GALNT13: variants seen among roughly 807,000 people sequenced by gnomAD.
GALNT13 encodes the protein polypeptide N-acetylgalactosaminyltransferase 13.
A neutral mutation model predicts 64.2 loss-of-function variants in GALNT13; 28 were observed. That is an observed-to-expected ratio of 0.44 (90% CI 0.32 to 0.60). The LOEUF is 0.60. Among genes scored for constraint, GALNT13 ranks in the 20% least tolerant of loss-of-function variants. The probability of loss-of-function intolerance (pLI) is 0.05; values close to 1 mark genes in which losing one functional copy is unlikely to be tolerated. For missense variants in GALNT13, 577 were observed against 669.8 expected (o/e 0.86, Z 1.53); for synonymous variants, 214 against 224.6 (o/e 0.95, Z 0.42).
chr2:153,778,637 A>G, the GALNT13 span, among the ~76,000 whole-genome samples: 1 of 152,370 alleles, frequency 6.6e-6, no homozygotes, highest in East Asian at 1.9e-4. Flanking sequence ...GAAGACACTT[A>G]ATACAAAAAT....
intron 7 of GALNT13, among the ~76,000 whole-genome samples, chr2:154,252,709 A>G (rs1395027446): frequency 1.4e-5 from 2 of 147,466 alleles, no homozygotes; most frequent in Admixed American, 7.0e-5. Context: ...TATAAGGTAT[A>G]TGGACGAATG....
the GALNT13 span, among the ~76,000 whole-genome samples, chr2:153,811,286 TATAAC>T: frequency 1.2e-4 from 19 of 152,320 alleles, no homozygotes; most frequent in East Asian, 3.5e-3. Context: ...TAGGATGGAT[TATAAC>T]ATAAATTCAA....
the GALNT13 span, among the ~76,000 whole-genome samples, chr2:153,673,026 A>T: frequency 6.6e-6 from 1 of 152,306 alleles, no homozygotes; most frequent in Middle Eastern, 3.4e-3. Context: ...TGAATCTCTG[A>T]ATAGACCAAT....
At chr2:154,025,494 A>G (rs1445688924) in intron 3 of GALNT13, among the ~76,000 whole-genome samples, 2 of 152,084 alleles carry the variant, frequency 1.3e-5, no homozygotes, top group East Asian at 3.9e-4. Flanking sequence ...AACAGTATGT[A>G]CAGTTTTACA....
chr2:153,204,566 C>T, the GALNT13 span, among the ~76,000 whole-genome samples: 3 of 152,138 alleles, frequency 2.0e-5, no homozygotes, highest in Admixed American at 1.3e-4. Context: ...ACTAATAAAT[C>T]CCTTCAGAAA....
the GALNT13 span, among the ~76,000 whole-genome samples, chr2:153,226,237 A>G: frequency 3.3e-5 from 5 of 152,080 alleles, no homozygotes; most frequent in Non-Finnish European, 7.4e-5. Context: ...TGGCTCCAGC[A>G]AGCAATTTTA....
chr2:153,147,541 C>CTTT, the GALNT13 span, among the ~76,000 whole-genome samples: 134 of 132,112 alleles, frequency 1.0e-3, 1 homozygote, highest in African/African-American at 3.4e-3. Context: ...AAGCATTAGA[C>CTTT]TTTTTTTTTT....
intron 4 of GALNT13, among the ~76,000 whole-genome samples, chr2:154,203,244 TGTGA>T (rs1371331595): frequency 1.3e-5 from 2 of 152,142 alleles, no homozygotes; most frequent in African/African-American, 4.8e-5. Context: ...GGAGAATAAA[TGTGA>T]GTGTTTTGTA....
chr2:153,535,052 G>A, the GALNT13 span, among the ~76,000 whole-genome samples: 2 of 152,162 alleles, frequency 1.3e-5, no homozygotes, highest in East Asian at 1.9e-4. Context: ...GAGAATGGGC[G>A]ATGTTTCTCA....
chr2:153,840,957 C>T, the GALNT13 span, among the ~76,000 whole-genome samples: 2 of 149,760 alleles, frequency 1.3e-5, no homozygotes, highest in African/African-American at 5.0e-5. Context: ...ATGTAACCTT[C>T]GAATATTACT....
intron 3 of GALNT13, among the ~76,000 whole-genome samples, chr2:154,061,206 T>C (rs1700163680): frequency 6.6e-6 from 1 of 152,178 alleles, no homozygotes; most frequent in African/African-American, 2.4e-5. Flanking sequence ...TTTATCTTAG[T>C]AATATATTTT....
At chr2:153,672,928 G>A in the GALNT13 span, among the ~76,000 whole-genome samples, 2 of 151,828 alleles carry the variant, frequency 1.3e-5, no homozygotes, top group African/African-American at 2.4e-5. Context: ...TACTATAAAC[G>A]GCTCTATGCA....
chr2:153,382,481 A>T, the GALNT13 span, among the ~76,000 whole-genome samples: 5 of 152,088 alleles, frequency 3.3e-5, no homozygotes, highest in East Asian at 9.7e-4. Flanking sequence ...AGCTCCATCC[A>T]TGTTGCTGCA....
chr2:154,277,914 C>A (rs567988465), intron 8 of GALNT13, among the ~76,000 whole-genome samples: 121 of 152,252 alleles, frequency 7.9e-4, no homozygotes, highest in African/African-American at 2.9e-3. Context: ...ATTAGCATTT[C>A]TGTACTGCCA....
chr2:154,334,215 G>T (rs1574105421), intron 9 of GALNT13, among the ~76,000 whole-genome samples: 2 of 151,950 alleles, frequency 1.3e-5, no homozygotes, highest in East Asian at 3.9e-4. Context: ...TAATGTTAGA[G>T]ATATGATTCC....
At chr2:154,016,852 T>C (rs1345513742) in intron 3 of GALNT13, among the ~76,000 whole-genome samples, 2 of 152,204 alleles carry the variant, frequency 1.3e-5, no homozygotes, top group African/African-American at 4.8e-5. Flanking sequence ...AGGTGTGATG[T>C]AAATGATCAT....
intron 9 of GALNT13, among the ~76,000 whole-genome samples, chr2:154,333,555 CAA>C (rs1358500393): frequency 2.0e-5 from 3 of 152,038 alleles, no homozygotes; most frequent in Non-Finnish European, 4.4e-5. Flanking sequence ...AAAGCAAAAA[CAA>C]ATTGCACATC....
the GALNT13 span, among the ~76,000 whole-genome samples, chr2:153,740,081 CTATT>C: frequency 6.6e-6 from 1 of 151,912 alleles, no homozygotes. Flanking sequence ...TAAATGTTGT[CTATT>C]TAAGTTCTAA....
At chr2:153,416,666 T>C in the GALNT13 span, among the ~76,000 whole-genome samples, 4 of 152,216 alleles carry the variant, frequency 2.6e-5, no homozygotes, top group Admixed American at 2.0e-4. Context: ...GTTATATCTA[T>C]TGGTGTTTTT....
Sources: allele counts gnomAD v4.1 joint callset (sites outside exome capture counted in the v4.1 genomes callset), GRCh38; gene constraint gnomAD v4.1.1; transcripts MANE v1.5; gene names NCBI Gene and HGNC (gene_info 2026-07-23, HGNC 2026-07-21).